The following KIF26B variants were observed in gnomAD, a reference collection of about 807,000 sequenced individuals.
KIF26B encodes kinesin-like protein KIF26B.
A neutral mutation model predicts 151.2 loss-of-function variants in KIF26B; 63 were observed. The observed-to-expected ratio is 0.42, with a 90% CI of 0.34 to 0.51. The LOEUF (loss-of-function observed/expected upper bound fraction) is 0.51. Among genes scored for constraint, KIF26B ranks in the 20% least tolerant of loss-of-function variants. The pLI is 0.07. For missense variants in KIF26B, 2,813 were observed against 2,913.6 expected (o/e 0.97, Z 0.79); for synonymous variants, 1,357 against 1,262.1 (o/e 1.08, Z -1.59).
intron 10 of KIF26B, among the ~76,000 whole-genome samples, chr1:245,664,284 G>A (rs888384339): frequency 3.3e-5 from 5 of 151,706 alleles, no homozygotes; most frequent in South Asian, 2.1e-4. Flanking sequence ...GCTTGAACCC[G>A]GGAGGTGGAG....
At chr1:245,333,801 C>T (rs1313218879) in intron 2 of KIF26B, among the ~76,000 whole-genome samples, 1 of 152,134 alleles carries the variant, frequency 6.6e-6, no homozygotes, top group Non-Finnish European at 1.5e-5. Flanking sequence ...AGTTTGAGAC[C>T]AGCCTGGCCA....
At position 245,687,617 on chromosome 1, in the gene KIF26B, G is replaced by A; in HGVS notation, c.4634G>A (p.Ser1545Asn). The A allele has an allele frequency of 1.3e-6, 2 of 1,563,808 alleles. No homozygotes were observed. The highest frequency in any genetic ancestry group is 1.7e-6 in the Non-Finnish European group (2 of 1,154,528). The change falls in exon 12 of 15, where the codon AGC (serine) becomes AAC (asparagine). Residue 1545 changes from serine (S) to asparagine (N), a missense_variant. Ser to Asn is a conservative substitution (Grantham distance 46). Transcript: ENST00000407071. This position sits in a 1 kb window ranked among gnomAD's most constrained non-coding sequence, Gnocchi z 4.9. ...SSLPRAFQKA[S>N]RQEEPDSLSY... The stretch of plus-strand genomic sequence containing the variant: ...CTTCCCAGGGCCTTTCAGAAGGCCA[G>A]CCGGCAGGAGGAGCCGGACAGCCTC...
intron 2 of KIF26B, among the ~76,000 whole-genome samples, chr1:245,222,398 T>C (rs1669793189): frequency 6.6e-6 from 1 of 152,222 alleles, no homozygotes; most frequent in Non-Finnish European, 1.5e-5. Flanking sequence ...GATCGTACCA[T>C]TGCCCTCCAG....
chr1:245,532,271 A>T, intron 4 of KIF26B, among the ~76,000 whole-genome samples: 1 of 120,046 alleles, frequency 8.3e-6, no homozygotes. Context: ...TTTGAGACAG[A>T]GTCTTGCTCT....
intron 5 of KIF26B, among the ~76,000 whole-genome samples, chr1:245,593,225 G>C (rs1020556997): frequency 6.6e-6 from 1 of 152,122 alleles, no homozygotes; most frequent in African/African-American, 2.4e-5. Flanking sequence ...AGAATGTGCA[G>C]GTTTGTTACA....
chr1:245,242,499 A>T (rs972493122), intron 2 of KIF26B, among the ~76,000 whole-genome samples: 3 of 152,180 alleles, frequency 2.0e-5, no homozygotes, highest in Non-Finnish European at 4.4e-5. Flanking sequence ...ATTGTATTGG[A>T]CTAATAAAAA....
At chr1:245,357,966 G>T (rs1460069027) in intron 2 of KIF26B, among the ~76,000 whole-genome samples, 3 of 152,156 alleles carry the variant, frequency 2.0e-5, no homozygotes, top group Non-Finnish European at 4.4e-5. Context: ...GCCCAGATTA[G>T]ATGGCAGTGG....
rs148827564 is a variant in KIF26B, at chr1:245,306,900, T to C, written c.466-59934T>C. On this transcript the variant is annotated intron_variant, in intron 2 of 14. Coordinates refer to ENST00000407071, the MANE Select transcript of KIF26B (RefSeq NM_018012.4). ...TCAGGACACCTGACCCCTAAACTTA[T>C]CTGATTGGTACGTGATACATTTTTA... Among the ~76,000 whole-genome samples the C allele has an allele frequency of 3.8e-3, 581 of 152,300 alleles. 4 individuals carry two copies. The highest frequency in any genetic ancestry group is 0.018 in the South Asian group (85 of 4,826).
chr1:245,428,215 C>T (rs1044565684), intron 4 of KIF26B, among the ~76,000 whole-genome samples: 3 of 152,080 alleles, frequency 2.0e-5, no homozygotes, highest in Non-Finnish European at 4.4e-5. Context: ...GAAAATACTC[C>T]GTTGATTTCT....
At chr1:245,213,372 C>T (rs984508407) in intron 2 of KIF26B, among the ~76,000 whole-genome samples, 12 of 152,306 alleles carry the variant, frequency 7.9e-5, no homozygotes, top group South Asian at 2.1e-4. Flanking sequence ...ACCACGCTGA[C>T]GAAGGGTCTG....
chr1:245,546,849 TG>T (rs1389677151), intron 5 of KIF26B, among the ~76,000 whole-genome samples: 1 of 152,286 alleles, frequency 6.6e-6, no homozygotes, highest in Admixed American at 6.5e-5. Flanking sequence ...AATTAACTCA[TG>T]TGACGTTAAA....
chr1:245,605,741 T>C (rs2043445214), intron 6 of KIF26B, among the ~76,000 whole-genome samples: 1 of 151,852 alleles, frequency 6.6e-6, no homozygotes, highest in Non-Finnish European at 1.5e-5. Flanking sequence ...CCCTGCCAGC[T>C]CTTAACACAC....
intron 9 of KIF26B, among the ~76,000 whole-genome samples, chr1:245,623,026 GTTTTTTTTTT>G (rs56666383): frequency 1.0e-3 from 112 of 111,876 alleles, no homozygotes; most frequent in African/African-American, 3.2e-3. Flanking sequence ...TCGTGAGCAA[GTTTTTTTTTT>G]TTTTTTTTTT....
chr1:245,263,504 G>A (rs143877629), intron 2 of KIF26B, among the ~76,000 whole-genome samples: 119 of 152,270 alleles, frequency 7.8e-4, no homozygotes, highest in African/African-American at 2.8e-3. Flanking sequence ...AAAGAGATAC[G>A]CAGATACATC....
At chr1:245,329,372 G>A (rs1011111807) in intron 2 of KIF26B, among the ~76,000 whole-genome samples, 1 of 152,346 alleles carries the variant, frequency 6.6e-6, no homozygotes, top group African/African-American at 2.4e-5. Context: ...TGCTGCAAGT[G>A]GGAAGGGCAG....
chr1:245,192,483 A>T (rs1232374748), intron 2 of KIF26B, among the ~76,000 whole-genome samples: 1 of 152,208 alleles, frequency 6.6e-6, no homozygotes, highest in Non-Finnish European at 1.5e-5. Flanking sequence ...ATATTTTGTA[A>T]AAATTTGATT....
chr1:245,314,650 T>C (rs1233600558), intron 2 of KIF26B, among the ~76,000 whole-genome samples: 1 of 152,170 alleles, frequency 6.6e-6, no homozygotes, highest in Non-Finnish European at 1.5e-5. Flanking sequence ...TTGGCTGTGC[T>C]GCAAGCTGTA....
chr1:245,265,110 G>A (rs1172707944), intron 2 of KIF26B, among the ~76,000 whole-genome samples: 1 of 151,260 alleles, frequency 6.6e-6, no homozygotes, highest in Non-Finnish European at 1.5e-5. Context: ...GCTGAGGCAG[G>A]AGAATGGTGT....
chr1:245,552,585 C>T (rs1324784147), intron 5 of KIF26B, among the ~76,000 whole-genome samples: 1 of 151,466 alleles, frequency 6.6e-6, no homozygotes, highest in Non-Finnish European at 1.5e-5. Context: ...CTGACAATTT[C>T]CATGCCCTTG....
Sources: gnomAD v4.1 joint callset for allele counts (sites outside exome capture counted in the v4.1 genomes callset) on GRCh38, gnomAD v4.1.1 for gene constraint, Gnocchi (gnomAD v3.1) non-coding constraint, MANE v1.5 for transcripts, NCBI Gene and HGNC (gene_info 2026-07-23, HGNC 2026-07-21) for gene names.